Variants in CCN4 observed in about 807,000 individuals in gnomAD.
CCN4 encodes cellular communication network factor 4, also known as CCN family member 4.
CCN4 carries 30 observed loss-of-function variants against 36.7 expected under a neutral mutation model. The ratio of observed to expected loss-of-function variants is 0.82; its 90% confidence interval spans 0.61 to 1.11. CCN4 has a LOEUF of 1.11. Ranked by LOEUF, CCN4 falls within the 50% of genes least tolerant of loss-of-function variation. The pLI is 0.00. For missense variants in CCN4, 505 were observed against 504.9 expected (o/e 1.00, Z 0.00); for synonymous variants, 191 against 195.4 (o/e 0.98, Z 0.19).
At chr8:133,204,523 G>C (rs1463432080) in intron 1 of CCN4, among the ~76,000 whole-genome samples, 1 of 152,170 alleles carries the variant, frequency 6.6e-6, no homozygotes, top group South Asian at 2.1e-4. Flanking sequence ...CGGATTCCAG[G>C]CTTCAGCCTA....
intron 1 of CCN4, among the ~76,000 whole-genome samples, chr8:133,199,294 A>G (rs1853500463): frequency 6.6e-6 from 1 of 152,228 alleles, no homozygotes. Context: ...CCCTCTGCTC[A>G]GGCTTGTGCT....
intron 3 of CCN4, among the ~76,000 whole-genome samples, chr8:133,223,213 G>C (rs1022037667): frequency 5.3e-5 from 8 of 152,080 alleles, no homozygotes; most frequent in Admixed American, 2.0e-4. Context: ...AGGGTCACGG[G>C]GGGAGCAGGG....
chr8:133,197,091 ATGGTGGTGGTGG>A (rs900451937), intron 1 of CCN4, among the ~76,000 whole-genome samples: 4 of 151,456 alleles, frequency 2.6e-5, no homozygotes, highest in African/African-American at 7.3e-5. Flanking sequence ...GATGATGATG[ATGGTGGTGGTGG>A]TGGTGGTGGT....
At chr8:133,208,327 C>A (rs1396257982) in intron 1 of CCN4, among the ~76,000 whole-genome samples, 1 of 152,128 alleles carries the variant, frequency 6.6e-6, no homozygotes. Flanking sequence ...GCGATGGTAG[C>A]AATGCCGTTT....
At chr8:133,194,378 G>T (rs1397778770) in intron 1 of CCN4, among the ~76,000 whole-genome samples, 2 of 111,462 alleles carry the variant, frequency 1.8e-5, no homozygotes, top group African/African-American at 7.1e-5. Flanking sequence ...GTGTGTGTGG[G>T]GTGTGTGTGT....
chr8:133,220,714 C>A lies in CCN4; in HGVS notation c.483C>A (p.Arg161=), dbSNP rs1854489613. The A allele has an allele frequency of 1.2e-6, 2 of 1,613,658 alleles. No individual in the cohort carries two copies. Among genetic ancestry groups the A allele is most frequent in the African/African-American group, 2.7e-5 (2 of 75,032 alleles). ...GCACACCACTGTGCCTCCGAGTGCG[C>A]CCCCCGCGTCTCTGGTGCCCCCACC... The part of the protein sequence containing the change: ...VGCTPLCLRV[R]PPRLWCPHPR... Residue 161 remains arginine (R), a synonymous_variant, in exon 3 of 5, where the codon CGC becomes CGA. Transcript: ENST00000250160.
At chr8:133,213,248 T>C (rs1854133268) in intron 2 of CCN4, 105 bp downstream of exon 2, 3 of 1,387,800 alleles carry the variant, frequency 2.2e-6, no homozygotes, top group East Asian at 2.3e-5. Context: ...TGGCCAGGCT[T>C]CCGTTCAGCA....
chr8:133,230,250 C>T lies in CCN4; in HGVS notation c.*2540C>T, dbSNP rs1212548308. 1 of 152,220 alleles carries T rather than the reference C, an allele frequency of 6.6e-6. No individual in the cohort carries two copies. Among genetic ancestry groups the T allele is most frequent in the African/African-American group, 2.4e-5 (1 of 41,444 alleles). 9.4% of individuals were successfully genotyped at this position (152,220 alleles called of 1,614,324 possible). A position where few individuals can be genotyped will look rare whatever the true frequency, so the allele number is the denominator to read the frequency against. The stretch of plus-strand genomic sequence containing the variant: ...AAGCCATGGAGAAGGAAATTTGGAT[C>T]CAATGTAATGAAGCGCTTTCTAAGT... On this transcript the variant is annotated 3_prime_UTR_variant, in exon 5 of 5. Transcript: ENST00000250160.
intron 1 of CCN4, among the ~76,000 whole-genome samples, chr8:133,207,421 C>T (rs1853820050): frequency 6.6e-6 from 1 of 152,226 alleles, no homozygotes; most frequent in African/African-American, 2.4e-5. Flanking sequence ...TCCCAGCCCC[C>T]ATGAAATATT....
chr8:133,221,614 T>A (rs1456349872), intron 3 of CCN4, among the ~76,000 whole-genome samples: 2 of 151,380 alleles, frequency 1.3e-5, no homozygotes. Context: ...AATGGATGTA[T>A]GAATAGATGG....
In CCN4 at chr8:133,224,222, G is replaced by T. The variant is rs1421125009; in HGVS notation, c.611-1168G>T. Among the ~76,000 whole-genome samples the T allele has an allele frequency of 8.8e-5, 9 of 102,746 alleles. 4 individuals carry two copies. The highest frequency in any genetic ancestry group is 3.7e-4 in the Admixed American group (3 of 8,162). The allele number at this position is 102,746 out of a possible 152,430, so 67.4% of individuals were successfully genotyped here. On this transcript the variant is annotated intron_variant, in intron 3 of 4. Transcript: ENST00000250160. ...CCCTGGTGATTTGAATTTGAAGCCC[G>T]TAAGTCCTTTTTTTTTTTTTTTTTT...
intron 1 of CCN4, among the ~76,000 whole-genome samples, chr8:133,200,738 C>T (rs1487135153): frequency 6.6e-6 from 1 of 152,156 alleles, no homozygotes; most frequent in African/African-American, 2.4e-5. Flanking sequence ...TTTTGATGAT[C>T]AGGAAACTGA....
chr8:133,230,123 T>A lies in CCN4; in HGVS notation c.*2413T>A, dbSNP rs578093828. On this transcript the variant is annotated 3_prime_UTR_variant, in exon 5 of 5. Transcript: ENST00000250160. ...GAGAAACTAGGGATTATTCTGGCAA[T>A]GGGTGCAGGAAGGTGGTCAGAATAA... 2 of 152,216 alleles carry A rather than the reference T, an allele frequency of 1.3e-5. No homozygotes were observed. Among genetic ancestry groups the A allele is most frequent in the East Asian group, 3.9e-4 (2 of 5,192 alleles). 9.4% of individuals were successfully genotyped at this position (152,216 alleles called of 1,614,324 possible).
chr8:133,222,375 G>A (rs1854568546), intron 3 of CCN4, among the ~76,000 whole-genome samples: 2 of 152,110 alleles, frequency 1.3e-5, no homozygotes, highest in African/African-American at 4.8e-5. Flanking sequence ...GCACATTTGG[G>A]CCAAGGGAGA....
rs536959258 is a variant in CCN4 at position 133,210,279 on chromosome 8, C to T, written c.70-2585C>T. Among the ~76,000 whole-genome samples the T allele has an allele frequency of 1.8e-4, 28 of 152,154 alleles. No homozygotes were observed. In the East Asian group the frequency reaches 4.1e-3, roughly 22 times the overall value. ...TTATTTCCTCTGCCAAGAGCACGTC[C>T]TGAGTGTGGTGGCTCTGAGAGATGG... On this transcript the variant is annotated intron_variant, in intron 1 of 4. Transcript: ENST00000250160.
intron 2 of CCN4, among the ~76,000 whole-genome samples, chr8:133,217,936 C>CCACACATACACACGCACACACA (rs1854381881): frequency 6.9e-6 from 1 of 144,432 alleles, no homozygotes; most frequent in African/African-American, 2.7e-5. Context: ...ACTCCCTTCT[C>CCACACATACACACGCACACACA]CACACACACA....
At chr8:133,191,979 G>C (rs1443178762) in intron 1 of CCN4, among the ~76,000 whole-genome samples, 1 of 152,186 alleles carries the variant, frequency 6.6e-6, no homozygotes, top group Admixed American at 6.5e-5. Flanking sequence ...TCACATATGT[G>C]ACCGTGTAGA....
intron 1 of CCN4, among the ~76,000 whole-genome samples, chr8:133,195,578 C>T (rs1158076497): frequency 1.3e-5 from 2 of 152,122 alleles, no homozygotes; most frequent in Non-Finnish European, 2.9e-5. Context: ...CTGCTGCCAG[C>T]TCAGGGCCCC....
rs542936095 is a variant in CCN4 at position 133,201,018 on chromosome 8, C to T, written c.69+9805C>T. 4.4e-4 allele frequency among the ~76,000 whole-genome samples: 67 copies of T among 152,302 alleles called. No homozygotes were observed. In the South Asian group the frequency reaches 0.014, roughly 31 times the overall value. On this transcript the variant is annotated intron_variant, in intron 1 of 4. Transcript: ENST00000250160. ...CTCCTCTAGGGAGCACTCTGTGGTC[C>T]TATTCCCAACCCCATGCCCTTTCCC...
Sources: gnomAD v4.1 joint callset for allele counts (sites outside exome capture counted in the v4.1 genomes callset) on GRCh38, gnomAD v4.1.1 for gene constraint, MANE v1.5 for transcripts, NCBI Gene and HGNC (gene_info 2026-07-23, HGNC 2026-07-21) for gene names.